HMCN1: variants seen among roughly 807,000 people sequenced by gnomAD.
HMCN1 encodes the protein hemicentin-1.
HMCN1 carries 321 observed loss-of-function variants against 625.9 expected under a neutral mutation model. The observed-to-expected ratio is 0.51, with a 90% confidence interval of 0.47 to 0.56. The LOEUF (loss-of-function observed/expected upper bound fraction) is 0.56. Among genes scored for constraint, HMCN1 ranks in the 20% least tolerant of loss-of-function variants. The pLI, the probability that HMCN1 is intolerant of heterozygous loss-of-function variation, is 0.00. For missense variants in HMCN1, 6,588 were observed against 6,887.3 expected (o/e 0.96, Z 1.54); for synonymous variants, 2,425 against 2,417.6 (o/e 1.00, Z -0.09).
At chr1:186,174,739 C>A in intron 103 of HMCN1, 97 bp downstream of exon 103, 2 of 1,071,476 alleles carry the variant, frequency 1.9e-6, no homozygotes, top group African/African-American at 1.6e-5. Flanking sequence ...CTCAAATGGT[C>A]TCTTGTTACA....
Position 186,053,976 on chromosome 1 carries a change from G to A in HMCN1, c.6852G>A (p.Leu2284=), listed in dbSNP as rs141701245. Residue 2284 remains leucine, a synonymous_variant, in exon 44 of 107, where the codon CTG becomes CTA. Transcript: ENST00000271588. ...GGACTGCAAAGAAAGAATACAATCTGCAAGTTTACAGTAAGTTGTTGATTA... is the reference window on the plus strand; with the variant it reads ...GGACTGCAAAGAAAGAATACAATCTACAAGTTTACAGTAAGTTGTTGATTA... The part of the protein sequence containing the change: ...VAGTAKKEYN[L]QVYIRPTITN... 2.7e-5 allele frequency: 44 copies of A among 1,612,252 alleles called. No homozygotes were observed. The African/African-American group carries it at 4.7e-4, about 17-fold the overall frequency.
chr1:186,060,211 T>C (rs1028793478), intron 46 of HMCN1, among the ~76,000 whole-genome samples: 3 of 152,104 alleles, frequency 2.0e-5, no homozygotes, highest in Non-Finnish European at 2.9e-5. Context: ...CAATGTCAGC[T>C]TGTGTTTACA....
chr1:186,175,774 C>T (rs1382142036), intron 103 of HMCN1, among the ~76,000 whole-genome samples: 1 of 151,136 alleles, frequency 6.6e-6, no homozygotes, highest in African/African-American at 2.4e-5. Flanking sequence ...ATCCCAGCTA[C>T]TCGGCAGGCT....
At chr1:186,174,402 C>A in intron 102 of HMCN1, 112 bp from the exon 103 acceptor site, 1 of 1,270,812 alleles carries the variant, frequency 7.9e-7, no homozygotes, top group African/African-American at 1.5e-5. Context: ...ATGATCTCAA[C>A]CACTTGGTGA....
intron 89 of HMCN1, among the ~76,000 whole-genome samples, chr1:186,141,512 AGATTGATATCTTCGGTGATG>A (rs753604327): frequency 5.3e-5 from 8 of 152,186 alleles, no homozygotes; most frequent in Admixed American, 1.3e-4. Flanking sequence ...ATCTTTTTTA[AGATTGATATCTTCGGTGATG>A]GCCTGTCCTG....
At chr1:185,787,547 G>A (rs1657707573) in intron 1 of HMCN1, among the ~76,000 whole-genome samples, 1 of 152,168 alleles carries the variant, frequency 6.6e-6, no homozygotes, top group South Asian at 2.1e-4. Flanking sequence ...CACCAGTGTG[G>A]GAACAAGGAA....
intron 2 of HMCN1, among the ~76,000 whole-genome samples, chr1:185,853,316 C>T (rs1414454074): frequency 6.6e-6 from 1 of 152,106 alleles, no homozygotes; most frequent in Non-Finnish European, 1.5e-5. Flanking sequence ...CACTGGCTTT[C>T]CTCAGCAAAT....
intron 63 of HMCN1, 96 bp from the exon 64 acceptor site, chr1:186,090,662 A>G (rs1659790216): frequency 5.8e-6 from 8 of 1,383,690 alleles, no homozygotes; most frequent in African/African-American, 4.3e-5. Flanking sequence ...TCTACAAAGA[A>G]TATGAACTAG....
In HMCN1 at chr1:186,127,409, C is replaced by T. The variant is rs559582349; in HGVS notation, c.12691-669C>T. Among the ~76,000 whole-genome samples the T allele has an allele frequency of 7.2e-5, 11 of 152,072 alleles. No individual in the cohort carries two copies. In the East Asian group the frequency reaches 1.7e-3, roughly 24 times the overall value. ...GTACAGATATAGAAGAAAAGAGGAG[C>T]AGAGGTTGAGCCTTCTCGCTTGCCA... On this transcript the variant is annotated intron_variant, in intron 82 of 106. Transcript: ENST00000271588.
chr1:186,014,071 A>G (rs1571716599), intron 30 of HMCN1, among the ~76,000 whole-genome samples: 1 of 152,142 alleles, frequency 6.6e-6, no homozygotes. Flanking sequence ...TAGCCGGGTT[A>G]CCAAAGGTAC....
intron 36 of HMCN1, 66 bp downstream of exon 36, chr1:186,023,219 AT>A: frequency 7.2e-7 from 1 of 1,386,830 alleles, no homozygotes; most frequent in Non-Finnish European, 1.0e-6. Context: ...TAGTGGGCTC[AT>A]TTTTATTGAA....
At chr1:186,055,707 C>T in intron 45 of HMCN1, 33 bp downstream of exon 45, 2 of 1,603,428 alleles carry the variant, frequency 1.2e-6, no homozygotes. Context: ...TGTCCATTCA[C>T]TGGCTAACGT....
Position 186,122,973 on chromosome 1 carries a change from T to C in HMCN1, c.12252T>C (p.His4084=), listed in dbSNP as rs1443168636. 1.9e-6 allele frequency: 3 copies of C among 1,613,920 alleles called. No individual in the cohort carries two copies. The highest frequency in any genetic ancestry group is 2.2e-5 in the East Asian group (1 of 44,896). The change falls in exon 81 of 107, where the codon CAT becomes CAC. Residue 4084 remains histidine (H), a synonymous_variant. Transcript: ENST00000271588. The stretch of plus-strand genomic sequence containing the variant: ...TAGTTCCTCCAGTCATTAGCCCTCA[T>C]CTAAAGGAATATGTTATTGCTGTGG... ...NVQVPPVISP[H]LKEYVIAVDK...
At chr1:186,136,175 C>CA (rs11379734) in intron 86 of HMCN1, among the ~76,000 whole-genome samples, 69,861 of 149,478 alleles carry the variant, frequency 0.47, 17,374 homozygotes, top group African/African-American at 0.64. Context: ...GACTCTGGCT[C>CA]AAAAAAAAAG....
At chr1:185,874,317 G>A (rs750562772) in intron 4 of HMCN1, among the ~76,000 whole-genome samples, 9 of 151,834 alleles carry the variant, frequency 5.9e-5, no homozygotes, top group Non-Finnish European at 8.8e-5. Context: ...AAAAATATTC[G>A]TCAAGGACCA....
Position 186,154,713 on chromosome 1 carries a change from A to G in HMCN1, c.15256+726A>G, listed in dbSNP as rs12144532. Among the ~76,000 whole-genome samples, 1,281 of 152,348 alleles carry G rather than the reference A, an allele frequency of 8.4e-3. 10 individuals carry two copies. Among genetic ancestry groups the G allele is most frequent in the Middle Eastern group, 0.014 (4 of 294 alleles). On this transcript the variant is annotated intron_variant, in intron 97 of 106. Transcript: ENST00000271588. ...TCTATATTTTAAAAGCAGCTTTTTA[A>G]AACTGTGCAGCAATAATCAGGATTC...
chr1:186,141,412 C>A (rs1649952937), intron 89 of HMCN1, among the ~76,000 whole-genome samples: 1 of 152,180 alleles, frequency 6.6e-6, no homozygotes, highest in Non-Finnish European at 1.5e-5. Context: ...TCTTTGAGTA[C>A]TTCCTTACTT....
Position 186,016,168 on chromosome 1 carries a change from G to A in HMCN1, c.5120G>A (p.Arg1707Gln), listed in dbSNP as rs367984117. Residue 1707 changes from arginine to glutamine, a missense_variant, in exon 32 of 107, where the codon CGA becomes CAA. Physicochemically the swap from Arg to Gln is conservative, Grantham distance 43 (BLOSUM62 1). Coordinates refer to ENST00000271588, the MANE Select transcript of HMCN1 (RefSeq NM_031935.3). ...ATCATGAGTGCCCAAGAAATTGATC[G>A]AGGACAGTACATATGCGTGGCTACC... Reference protein sequence around the residue: ...LEIMSAQEIDRGQYICVATSV... With the variant: ...LEIMSAQEIDQGQYICVATSV... 42 of 1,613,324 alleles carry A rather than the reference G, an allele frequency of 2.6e-5. No individual in the cohort carries two copies. In the Admixed American group the frequency reaches 3.3e-4, roughly 13 times the overall value.
intron 97 of HMCN1, among the ~76,000 whole-genome samples, chr1:186,157,875 A>C (rs952164983): frequency 6.6e-6 from 1 of 152,088 alleles, no homozygotes. Flanking sequence ...AGTCTTTGCT[A>C]TTGTGAATAG....
Sources: gnomAD v4.1 joint callset for allele counts (sites outside exome capture counted in the v4.1 genomes callset) on GRCh38, gnomAD v4.1.1 for gene constraint, MANE v1.5 for transcripts, NCBI Gene and HGNC (gene_info 2026-07-23, HGNC 2026-07-21) for gene names.